Variants in IL1RAPL1 observed in about 807,000 individuals in gnomAD.
IL1RAPL1 encodes interleukin 1 receptor accessory protein like 1.
Under a neutral mutation model 48.4 loss-of-function variants are expected in IL1RAPL1, and 3 were observed. The observed-to-expected ratio is 0.06, with a 90% CI of 0.03 to 0.16. IL1RAPL1 has a LOEUF of 0.16. Ranked by LOEUF, IL1RAPL1 falls within the 10% of genes least tolerant of loss-of-function variation. The pLI, the probability that IL1RAPL1 is intolerant of heterozygous loss-of-function variation, is 1.00. For synonymous variants in IL1RAPL1, 185 were observed against 187.7 expected, an observed-to-expected ratio of 0.99 and a Z score of 0.12; for missense variants, 349 against 530.6, an observed-to-expected ratio of 0.66 and a Z score of 3.36.
rs761031218 is a variant in IL1RAPL1 at position 29,621,942 on chromosome X, G to A, written c.704-46488G>A. On this transcript the variant is annotated intron_variant, in intron 5 of 10. Transcript: ENST00000378993. ...ATCTCCTTCTCCTTCCTACGCTGTG[G>A]TAACAACCAATATGCTATCTTCTTG... 9.9e-5 allele frequency among the ~76,000 whole-genome samples: 11 copies of A among 111,625 alleles called. 1 individual carries two copies. Among genetic ancestry groups the A allele is most frequent in the Admixed American group, 9.5e-4 (10 of 10,503 alleles).
In IL1RAPL1 at chrX:29,027,926, G is replaced by T. The variant is rs962787306; in HGVS notation, c.82+238501G>T. Among the ~76,000 whole-genome samples, 130 of 107,724 alleles carry T rather than the reference G, an allele frequency of 1.2e-3. 1 individual carries two copies. The highest frequency in any genetic ancestry group is 4.2e-3 in the African/African-American group (122 of 28,805). The allele number at this position is 107,724 out of a possible 115,157, so 93.5% of individuals were successfully genotyped here. On this transcript the variant is annotated intron_variant, in intron 2 of 10. Transcript: ENST00000378993. The stretch of plus-strand genomic sequence containing the variant: ...GTTGAGTTTTAAGATTTCTTTTTGT[G>T]TGTGTGTGTGTGTGTGTGTGTGTAT...
intron 6 of IL1RAPL1, among the ~76,000 whole-genome samples, chrX:29,752,076 G>GTATATATATA (rs200322927): frequency 1.1e-5 from 1 of 89,484 alleles, no homozygotes; most frequent in East Asian, 3.4e-4. Context: ...ATATATGTGT[G>GTATATATATA]TATGTATATA....
chrX:29,238,760 AC>A (rs1176851956), intron 2 of IL1RAPL1, among the ~76,000 whole-genome samples: 4 of 112,240 alleles, frequency 3.6e-5, no homozygotes, highest in Non-Finnish European at 7.5e-5. Flanking sequence ...TTTATCACAA[AC>A]CTAAAGTTAC....
chrX:29,332,659 T>A (rs868481222), intron 3 of IL1RAPL1, among the ~76,000 whole-genome samples: 23 of 98,886 alleles, frequency 2.3e-4, no homozygotes, highest in African/African-American at 4.9e-4. Flanking sequence ...TTTTATTTTT[T>A]TTTTTTTATT....
At chrX:29,117,242 G>C (rs1928695460) in intron 2 of IL1RAPL1, among the ~76,000 whole-genome samples, 1 of 111,795 alleles carries the variant, frequency 8.9e-6, no homozygotes, top group Admixed American at 9.5e-5. Flanking sequence ...ATTGTAGCAA[G>C]GCTCAGAGAA....
chrX:29,063,389 C>T (rs1000579886), intron 2 of IL1RAPL1, among the ~76,000 whole-genome samples: 2 of 111,187 alleles, frequency 1.8e-5, no homozygotes, highest in African/African-American at 6.5e-5. Context: ...CCTCACTATG[C>T]ACTGTTGTAG....
At chrX:28,667,723 G>A (rs1934897470) in intron 1 of IL1RAPL1, among the ~76,000 whole-genome samples, 1 of 112,052 alleles carries the variant, frequency 8.9e-6, no homozygotes, top group Non-Finnish European at 1.9e-5. Context: ...AGTTATGTAG[G>A]CTTGAAGTTA....
chrX:28,685,210 T>C (rs967709904), intron 1 of IL1RAPL1, among the ~76,000 whole-genome samples: 3 of 112,460 alleles, frequency 2.7e-5, no homozygotes, highest in Admixed American at 9.4e-5. Flanking sequence ...CATTAACTGC[T>C]TCACTTCCTT....
Position 28,903,694 on chromosome X carries a change from T to C in IL1RAPL1, c.82+114269T>C, listed in dbSNP as rs147996713. On this transcript the variant is annotated intron_variant, in intron 2 of 10. Transcript: ENST00000378993. ...TGATTATGCATGATATAATAGATTA[T>C]GTTATCAGGACTAGGTAAGACAATC... 6.0e-3 allele frequency among the ~76,000 whole-genome samples: 668 copies of C among 111,005 alleles called. 5 individuals carry two copies. The highest frequency in any genetic ancestry group is 0.021 in the African/African-American group (629 of 30,623).
chrX:29,119,357 C>A (rs1382693437), intron 2 of IL1RAPL1, among the ~76,000 whole-genome samples: 1 of 111,407 alleles, frequency 9.0e-6, no homozygotes, highest in Non-Finnish European at 1.9e-5. Flanking sequence ...GGCACACTTA[C>A]AAGAGACTTA....
intron 3 of IL1RAPL1, among the ~76,000 whole-genome samples, chrX:29,381,519 A>AC: frequency 1.0e-5 from 1 of 95,382 alleles, no homozygotes; most frequent in East Asian, 3.2e-4. Flanking sequence ...AAAAAAAAAA[A>AC]AAAAAAAAAA....
At chrX:29,918,144 A>AAAAAAAAAAT (rs1555935868) in intron 7 of IL1RAPL1, among the ~76,000 whole-genome samples, 1 of 23,765 alleles carries the variant, frequency 4.2e-5, no homozygotes, top group Non-Finnish European at 6.6e-5. Context: ...AAAAAAAAAA[A>AAAAAAAAAAT]ATATATATAT....
At chrX:29,172,104 A>T (rs1432349193) in intron 2 of IL1RAPL1, among the ~76,000 whole-genome samples, 1 of 112,760 alleles carries the variant, frequency 8.9e-6, no homozygotes, top group African/African-American at 3.2e-5. Context: ...TTCTTTCAGC[A>T]TCAAGAAAAT....
chrX:29,174,857 G>A (rs1351883493), intron 2 of IL1RAPL1, among the ~76,000 whole-genome samples: 2 of 111,086 alleles, frequency 1.8e-5, no homozygotes, highest in Non-Finnish European at 3.8e-5. Context: ...GGTGGATCAC[G>A]AGGTCAGGGG....
At chrX:29,281,084 C>T (rs966156350) in intron 2 of IL1RAPL1, among the ~76,000 whole-genome samples, 1 of 111,734 alleles carries the variant, frequency 8.9e-6, no homozygotes, top group Non-Finnish European at 1.9e-5. Context: ...CTGTAATGTA[C>T]ATCCTCCTTT....
chrX:29,888,338 C>T (rs1480698215), intron 6 of IL1RAPL1, among the ~76,000 whole-genome samples: 1 of 109,545 alleles, frequency 9.1e-6, no homozygotes, highest in Non-Finnish European at 1.9e-5. Context: ...ATTCTCCTGC[C>T]TCAGCTTCCT....
intron 5 of IL1RAPL1, among the ~76,000 whole-genome samples, chrX:29,485,743 GTTC>G (rs1935088344): frequency 9.0e-6 from 1 of 111,360 alleles, no homozygotes; most frequent in African/African-American, 3.3e-5. Context: ...GTTAGTGTCT[GTTC>G]TTGTCAAAAT....
intron 8 of IL1RAPL1, among the ~76,000 whole-genome samples, chrX:29,928,006 C>T (rs1293812670): frequency 9.0e-6 from 1 of 111,231 alleles, no homozygotes; most frequent in East Asian, 2.8e-4. Context: ...ACCATCTCTC[C>T]GAGTTCAAAA....
chrX:29,722,656 C>G (rs886172410), intron 6 of IL1RAPL1, among the ~76,000 whole-genome samples: 1 of 111,700 alleles, frequency 9.0e-6, no homozygotes, highest in Non-Finnish European at 1.9e-5. Flanking sequence ...CAGGACCATT[C>G]TTTTCGTGAT....
Sources: allele counts gnomAD v4.1 joint callset (sites outside exome capture counted in the v4.1 genomes callset), GRCh38; gene constraint gnomAD v4.1.1; transcripts MANE v1.5; gene names NCBI Gene and HGNC (gene_info 2026-07-23, HGNC 2026-07-21).